Variants in CADM2 observed in about 807,000 individuals in gnomAD.
CADM2 encodes the protein immunoglobulin superfamily member 4D.
CADM2 carries 12 observed loss-of-function variants against 49.8 expected under a neutral mutation model. That is an observed-to-expected ratio of 0.24 (90% CI 0.15 to 0.39). The LOEUF is 0.39. CADM2 is among the 10% of genes least tolerant of loss of function. CADM2 has a pLI of 1.00. For missense variants in CADM2, 378 were observed against 492.3 expected (o/e 0.77, Z 2.20); for synonymous variants, 214 against 175.4 (o/e 1.22, Z -1.74).
At chr3:85,828,130 G>C (rs1165403072) in intron 3 of CADM2, 2 of 151,968 alleles carry the variant, frequency 1.3e-5, no homozygotes, top group African/African-American at 4.8e-5. Context: ...GAGGAAAATT[G>C]AGGTTAGTAA....
At chr3:86,021,227 T>C (rs1733127820) in intron 8 of CADM2, among the ~76,000 whole-genome samples, 1 of 152,146 alleles carries the variant, frequency 6.6e-6, no homozygotes. Flanking sequence ...CTCGAACTCC[T>C]GACCTCAAGT....
intron 1 of CADM2, among the ~76,000 whole-genome samples, chr3:85,470,020 C>T (rs888238819): frequency 3.9e-5 from 6 of 152,194 alleles, no homozygotes; most frequent in African/African-American, 1.2e-4. Context: ...CTGAGATGCT[C>T]AATCCTCAAT....
Position 85,784,036 on chromosome 3 carries a change from A to T in CADM2, c.89-18011A>T, listed in dbSNP as rs117835896. Reference sequence around the variant, plus strand: ...AAATATAACTATTGATCTCTCTCTCACACACACACACATGCGTGCATGCAC... The same window carrying T: ...AAATATAACTATTGATCTCTCTCTCTCACACACACACATGCGTGCATGCAC... On this transcript the variant is annotated intron_variant, in intron 2 of 9. Transcript: ENST00000383699. Among the ~76,000 whole-genome samples, 152 of 151,876 alleles carry T rather than the reference A, an allele frequency of 1.0e-3. 1 individual carries two copies. In the East Asian group the frequency reaches 0.022, roughly 22 times the overall value.
chr3:85,345,144 G>A (rs1175268138), intron 1 of CADM2, among the ~76,000 whole-genome samples: 1 of 151,552 alleles, frequency 6.6e-6, no homozygotes, highest in African/African-American at 2.4e-5. Context: ...GCAAAGTCTT[G>A]TCTCTACTAA....
intron 5 of CADM2, among the ~76,000 whole-genome samples, chr3:85,907,685 C>T (rs912487304): frequency 2.0e-5 from 3 of 152,042 alleles, no homozygotes; most frequent in African/African-American, 4.8e-5. Flanking sequence ...CCGTGGCAGG[C>T]AGATCACCTG....
intron 1 of CADM2, among the ~76,000 whole-genome samples, chr3:85,212,528 TTGAA>T (rs1213864996): frequency 6.6e-6 from 1 of 152,170 alleles, no homozygotes; most frequent in Non-Finnish European, 1.5e-5. Context: ...TTAACAATAA[TTGAA>T]TGAACCAACA....
Position 85,900,252 on chromosome 3 carries a change from G to A in CADM2, c.530-12121G>A, listed in dbSNP as rs78723436. On this transcript the variant is annotated intron_variant, in intron 5 of 9. Coordinates refer to ENST00000383699, the MANE Select transcript of CADM2 (RefSeq NM_001167675.2). ...TAGAAGGAGTAGTCTTTGTCATTTTGTTTTGAATTGTAGAGAAATATACTT... is the reference window on the plus strand; with the variant it reads ...TAGAAGGAGTAGTCTTTGTCATTTTATTTTGAATTGTAGAGAAATATACTT... Among the ~76,000 whole-genome samples, 424 of 152,108 alleles carry A rather than the reference G, an allele frequency of 2.8e-3. 2 individuals are homozygous for A. Among genetic ancestry groups the A allele is most frequent in the South Asian group, 0.015 (71 of 4,816 alleles).
At chr3:85,050,946 T>G (rs1431462288) in intron 1 of CADM2, among the ~76,000 whole-genome samples, 1 of 152,166 alleles carries the variant, frequency 6.6e-6, no homozygotes, top group Non-Finnish European at 1.5e-5. Context: ...CTTGTGTCAG[T>G]TTAGACTTGG....
At chr3:85,277,282 A>T (rs566090033) in intron 1 of CADM2, among the ~76,000 whole-genome samples, 1 of 151,432 alleles carries the variant, frequency 6.6e-6, no homozygotes, top group Non-Finnish European at 1.5e-5. Flanking sequence ...AAGCTGAAAT[A>T]ACAAGCTCAA....
At chr3:85,580,900 A>G (rs375890116) in intron 1 of CADM2, among the ~76,000 whole-genome samples, 2 of 152,104 alleles carry the variant, frequency 1.3e-5, no homozygotes, top group East Asian at 1.9e-4. Flanking sequence ...TGCTTAGAAT[A>G]TGTTAGCTGT....
intron 3 of CADM2, among the ~76,000 whole-genome samples, chr3:85,825,345 A>C (rs1257800792): frequency 6.6e-6 from 1 of 152,054 alleles, no homozygotes; most frequent in East Asian, 1.9e-4. Context: ...AAAGGTGAGG[A>C]GGTATTACTT....
rs150472965 is a variant in CADM2, at chr3:85,699,749, A to T, written c.62-26773A>T. ...CCTGTGATGGAAGGGACAGCCAGGA[A>T]GATATCCAAAATGCCTTTAGGCCTT... On this transcript the variant is annotated intron_variant, in intron 1 of 9. Transcript: ENST00000383699. Among the ~76,000 whole-genome samples, 400 of 152,354 alleles carry T rather than the reference A, an allele frequency of 2.6e-3. 4 individuals carry two copies. The highest frequency in any genetic ancestry group is 9.4e-3 in the African/African-American group (389 of 41,586).
intron 8 of CADM2, among the ~76,000 whole-genome samples, chr3:86,024,429 G>A (rs1377363132): frequency 1.3e-5 from 2 of 152,130 alleles, no homozygotes; most frequent in Non-Finnish European, 2.9e-5. Context: ...TAAAATGAAA[G>A]ACAATTGTAT....
intron 1 of CADM2, among the ~76,000 whole-genome samples, chr3:85,103,969 G>C (rs2038112543): frequency 6.6e-6 from 1 of 152,098 alleles, no homozygotes; most frequent in Non-Finnish European, 1.5e-5. Flanking sequence ...AAATAAATTT[G>C]ATGATTTAGA....
At chr3:85,011,685 T>A (rs576827938) in intron 1 of CADM2, among the ~76,000 whole-genome samples, 35 of 152,142 alleles carry the variant, frequency 2.3e-4, no homozygotes, top group African/African-American at 7.9e-4. Flanking sequence ...TCGCTCGAGC[T>A]CAGCCTGGGC....
intron 1 of CADM2, among the ~76,000 whole-genome samples, chr3:85,157,934 C>A (rs1223354966): frequency 1.3e-5 from 2 of 152,020 alleles, no homozygotes; most frequent in Non-Finnish European, 2.9e-5. Context: ...TTTTTGCAAC[C>A]TACTCATCTG....
intron 1 of CADM2, among the ~76,000 whole-genome samples, chr3:85,493,604 C>A (rs1478564440): frequency 1.3e-5 from 2 of 152,060 alleles, no homozygotes; most frequent in Non-Finnish European, 2.9e-5. Flanking sequence ...TTTTAAAAAA[C>A]TTTATGTCTT....
chr3:85,449,744 G>C (rs1396712407), intron 1 of CADM2, among the ~76,000 whole-genome samples: 1 of 152,050 alleles, frequency 6.6e-6, no homozygotes, highest in Non-Finnish European at 1.5e-5. Flanking sequence ...ATATTACAGG[G>C]TTAAGGAAAC....
At chr3:85,651,191 T>C (rs1190074703) in intron 1 of CADM2, among the ~76,000 whole-genome samples, 1 of 152,146 alleles carries the variant, frequency 6.6e-6, no homozygotes, top group Admixed American at 6.5e-5. Context: ...AAATCAGAAT[T>C]AATGTAATAC....
Sources: gnomAD v4.1 joint callset for allele counts (sites outside exome capture counted in the v4.1 genomes callset) on GRCh38, gnomAD v4.1.1 for gene constraint, MANE v1.5 for transcripts, NCBI Gene and HGNC (gene_info 2026-07-23, HGNC 2026-07-21) for gene names.